The following MSH3 variants were observed in gnomAD, a reference collection of about 807,000 sequenced individuals.
The protein encoded by MSH3 is mutS homolog 3.
MSH3 carries 106 observed loss-of-function variants against 123.3 expected under a neutral mutation model. The ratio of observed to expected loss-of-function variants is 0.86; its 90% CI spans 0.73 to 1.01. The LOEUF (loss-of-function observed/expected upper bound fraction) is 1.01. MSH3 is among the 50% of genes least tolerant of loss of function. The probability of loss-of-function intolerance (pLI) is 0.00; values close to 1 mark genes in which losing one functional copy is unlikely to be tolerated. For missense variants in MSH3, 1,459 were observed against 1,347.6 expected (o/e 1.08, Z -1.29); for synonymous variants, 515 against 481.4 (o/e 1.07, Z -0.91).
chr5:80,854,376 TGAC>T, intron 21 of MSH3, 60 bp downstream of exon 21: 1 of 1,474,734 alleles, frequency 6.8e-7, no homozygotes, highest in South Asian at 1.2e-5. Context: ...TATTTTTAAA[TGAC>T]AGTCATAATT....
At chr5:80,774,203 A>T (rs1744261313) in intron 15 of MSH3, among the ~76,000 whole-genome samples, 1 of 152,204 alleles carries the variant, frequency 6.6e-6, no homozygotes, top group African/African-American at 2.4e-5. Flanking sequence ...TGCAGAGCAC[A>T]GTTGGATCTA....
intron 19 of MSH3, among the ~76,000 whole-genome samples, chr5:80,806,650 T>G (rs1744896874): frequency 6.6e-6 from 1 of 152,294 alleles, no homozygotes; most frequent in South Asian, 2.1e-4. Context: ...TTTACATCTG[T>G]AGGGAAAGTT....
chr5:80,739,009 C>T (rs1743564161), intron 10 of MSH3, among the ~76,000 whole-genome samples: 2 of 152,214 alleles, frequency 1.3e-5, no homozygotes, highest in Admixed American at 1.3e-4. Context: ...TTGGACTTGA[C>T]AGCCTCCAGA....
intron 12 of MSH3, among the ~76,000 whole-genome samples, chr5:80,747,051 T>C (rs1261481950): frequency 6.6e-6 from 1 of 152,228 alleles, no homozygotes; most frequent in Non-Finnish European, 1.5e-5. Context: ...AAATATCTTC[T>C]TTAGTTCAGC....
At chr5:80,718,728 T>C (rs1223190733) in intron 8 of MSH3, among the ~76,000 whole-genome samples, 2 of 152,074 alleles carry the variant, frequency 1.3e-5, no homozygotes, top group Admixed American at 6.5e-5. Flanking sequence ...TATCTCTCTT[T>C]TTGTGAATTG....
At chr5:80,730,133 C>T (rs892202343) in intron 10 of MSH3, among the ~76,000 whole-genome samples, 7 of 152,004 alleles carry the variant, frequency 4.6e-5, no homozygotes, top group Admixed American at 4.6e-4. Flanking sequence ...ATCTAAATGC[C>T]CATCAGGGAT....
chr5:80,769,275 A>G (rs1744176275), intron 15 of MSH3, among the ~76,000 whole-genome samples: 1 of 152,074 alleles, frequency 6.6e-6, no homozygotes, highest in Non-Finnish European at 1.5e-5. Context: ...AATTACTATG[A>G]ATAACAACTT....
chr5:80,853,949 A>G (rs1019424422), intron 20 of MSH3, among the ~76,000 whole-genome samples, 181 bp from the exon 21 acceptor site: 3 of 152,216 alleles, frequency 2.0e-5, no homozygotes, highest in Admixed American at 6.5e-5. Flanking sequence ...AAAGTACAGT[A>G]TGATGTTAGA....
intron 22 of MSH3, among the ~76,000 whole-genome samples, chr5:80,871,251 C>A (rs1207966444): frequency 6.6e-6 from 1 of 152,146 alleles, no homozygotes. Flanking sequence ...GGGGATAGAC[C>A]TCTATACCTT....
chr5:80,764,298 G>GT (rs1262504558), intron 13 of MSH3, among the ~76,000 whole-genome samples: 1 of 152,218 alleles, frequency 6.6e-6, no homozygotes, highest in African/African-American at 2.4e-5. Flanking sequence ...CCTGGAATAT[G>GT]TACCAATAGG....
rs564789929 is a variant in MSH3 at position 80,712,479 on chromosome 5, T to C, written c.1341-12974T>C. ...TGATCTCATACTTTCTTTTTATTTG[T>C]ATTCACCTAATATATACCTCTAGGC... On this transcript the variant is annotated intron_variant, in intron 8 of 23. Transcript: ENST00000265081. 2.6e-4 allele frequency among the ~76,000 whole-genome samples: 39 copies of C among 152,236 alleles called. 1 individual carries two copies. Among genetic ancestry groups the C allele is most frequent in the African/African-American group, 8.9e-4 (37 of 41,570 alleles).
chr5:80,689,809 G>A (rs996844773), intron 8 of MSH3, among the ~76,000 whole-genome samples: 12 of 151,654 alleles, frequency 7.9e-5, no homozygotes, highest in African/African-American at 2.7e-4. Flanking sequence ...GAATAAAAGT[G>A]TCATATCATC....
chr5:80,787,571 C>A lies in MSH3; in HGVS notation c.2442C>A (p.Phe814Leu). 1 of 1,611,978 alleles carries A rather than the reference C, an allele frequency of 6.2e-7. No homozygotes were observed. Among genetic ancestry groups the A allele is most frequent in the South Asian group, 1.1e-5 (1 of 91,026 alleles). ...SAEWLDFLEK[F>L]SEHYHSLCKA... Reference sequence around the variant, plus strand: ...GTTGCTGCTGCTTCCGTAGGAAATTCAGTGAACATTATCACTCCTTGTGTA... The same window carrying A: ...GTTGCTGCTGCTTCCGTAGGAAATTAAGTGAACATTATCACTCCTTGTGTA... Residue 814 changes from phenylalanine to leucine, a missense_variant, in exon 18 of 24, where the codon TTC (phenylalanine) becomes TTA (leucine). By Grantham distance (22) the Phe-to-Leu change is conservative (BLOSUM62 0). Coordinates refer to ENST00000265081, the MANE Select transcript of MSH3 (RefSeq NM_002439.5).
intron 21 of MSH3, 65 bp from the exon 22 acceptor site, chr5:80,864,748 A>G (rs1042280061): frequency 1.4e-6 from 2 of 1,444,666 alleles, no homozygotes; most frequent in Non-Finnish European, 1.9e-6. Context: ...AGAAAGTGGA[A>G]GACAGATTTT....
Position 80,693,400 on chromosome 5 carries a change from C to A in MSH3, c.1340+14307C>A, listed in dbSNP as rs1170477513. ...GTATATGTTTATATAGATATACATG[C>A]ACATGTATATGTTTATATAGATATA... On this transcript the variant is annotated intron_variant, in intron 8 of 23. Coordinates refer to ENST00000265081, the MANE Select transcript of MSH3 (RefSeq NM_002439.5). Among the ~76,000 whole-genome samples, 3 of 56,574 alleles carry A rather than the reference C, an allele frequency of 5.3e-5. 1 individual carries two copies. In the East Asian group the frequency reaches 1.3e-3, roughly 25 times the overall value. 37.1% of individuals were successfully genotyped at this position (56,574 alleles called of 152,430 possible). A position where few individuals can be genotyped will look rare whatever the true frequency, so the allele number is the denominator to read the frequency against.
intron 20 of MSH3, among the ~76,000 whole-genome samples, chr5:80,851,958 T>C (rs1029798099): frequency 6.6e-6 from 1 of 152,240 alleles, no homozygotes; most frequent in Non-Finnish European, 1.5e-5. Context: ...TTCTTGACAT[T>C]TCTAACAAGA....
At chr5:80,861,871 C>A (rs62365490) in intron 21 of MSH3, among the ~76,000 whole-genome samples, 2,970 of 152,148 alleles carry the variant, frequency 0.02, 83 homozygotes, top group South Asian at 0.13. Flanking sequence ...CAGTGGTTTG[C>A]CTGTGACTTC....
chr5:80,751,281 T>C (rs1743832345), intron 12 of MSH3, among the ~76,000 whole-genome samples: 1 of 152,112 alleles, frequency 6.6e-6, no homozygotes, highest in Non-Finnish European at 1.5e-5. Flanking sequence ...ACAAACACCA[T>C]ATTTATGGTG....
intron 8 of MSH3, among the ~76,000 whole-genome samples, chr5:80,684,760 A>G (rs1227831153): frequency 6.6e-6 from 1 of 152,120 alleles, no homozygotes; most frequent in Non-Finnish European, 1.5e-5. Flanking sequence ...AAAGGCTTGC[A>G]ATATTTCTCA....
Sources: gnomAD v4.1 joint callset for allele counts (sites outside exome capture counted in the v4.1 genomes callset) on GRCh38, gnomAD v4.1.1 for gene constraint, MANE v1.5 for transcripts, NCBI Gene and HGNC (gene_info 2026-07-23, HGNC 2026-07-21) for gene names.